ANO10: variants seen among roughly 807,000 people sequenced by gnomAD.
ANO10 encodes anoctamin 10.
ANO10 carries 77 observed loss-of-function variants against 74.7 expected under a neutral mutation model. The ratio of observed to expected loss-of-function variants is 1.03; its 90% confidence interval spans 0.86 to 1.25. ANO10 has a LOEUF of 1.25. Ranked by LOEUF, ANO10 falls within the 50% of genes most tolerant of loss-of-function variation. ANO10 has a pLI of 0.00. For missense variants in ANO10, 721 were observed against 778.1 expected (o/e 0.93, Z 0.87); for synonymous variants, 279 against 284.9 (o/e 0.98, Z 0.21).
intron 11 of ANO10, among the ~76,000 whole-genome samples, chr3:43,543,285 A>G (rs1383625974): frequency 6.6e-6 from 1 of 152,222 alleles, no homozygotes; most frequent in African/African-American, 2.4e-5. Context: ...GAAACTAGGA[A>G]AATAAAGCCT....
At chr3:43,654,976 TTATC>T (rs2083831146) in intron 1 of ANO10, among the ~76,000 whole-genome samples, 2 of 152,226 alleles carry the variant, frequency 1.3e-5, no homozygotes, top group Non-Finnish European at 2.9e-5. Context: ...GTCACTGACT[TTATC>T]TTTCTTAGAA....
intron 7 of ANO10, among the ~76,000 whole-genome samples, chr3:43,573,892 G>T (rs2080866147): frequency 1.3e-5 from 2 of 152,144 alleles, no homozygotes; most frequent in Admixed American, 1.3e-4. Flanking sequence ...AACATTCAAA[G>T]AAATCACCAA....
At chr3:43,544,622 G>T (rs183930560) in intron 11 of ANO10, among the ~76,000 whole-genome samples, 1 of 151,696 alleles carries the variant, frequency 6.6e-6, no homozygotes, top group Non-Finnish European at 1.5e-5. Context: ...GTGAAACCCC[G>T]TCTCTACTAA....
chr3:43,574,840 T>C lies in ANO10; in HGVS notation c.1187A>G (p.Tyr396Cys), dbSNP rs771524070. The C allele has an allele frequency of 2.5e-6, 4 of 1,614,116 alleles. No homozygotes were observed. Among genetic ancestry groups the C allele is most frequent in the Non-Finnish European group, 2.5e-6 (3 of 1,179,960 alleles). ...SWENHRLESA[Y>C]QNHLILKVLV... Reference sequence around the variant, plus strand: ...AACTTTCAGAATTAGATGGTTCTGATAGGCAGATTCCAATCTGTGATTCTC... The same window carrying C: ...AACTTTCAGAATTAGATGGTTCTGACAGGCAGATTCCAATCTGTGATTCTC... Residue 396 changes from tyrosine to cysteine, a missense_variant, in exon 7 of 13, where the codon TAT becomes TGT. By Grantham distance (194) the Tyr-to-Cys change is radical. Coordinates refer to ENST00000292246, the MANE Select transcript of ANO10 (RefSeq NM_018075.5).
intron 11 of ANO10, among the ~76,000 whole-genome samples, chr3:43,540,223 G>A (rs539024763): frequency 9.2e-5 from 14 of 152,256 alleles, no homozygotes; most frequent in South Asian, 6.2e-4. Flanking sequence ...ACATTTAAAT[G>A]TACACTAATT....
At chr3:43,443,961 C>T (rs6767983) in intron 11 of ANO10, among the ~76,000 whole-genome samples, 28,045 of 152,108 alleles carry the variant, frequency 0.18, 3,116 homozygotes, top group Middle Eastern at 0.35. Context: ...GGATTACAGG[C>T]ATGAGTCACT....
In ANO10 at chr3:43,571,857, T is replaced by C. The variant is rs1388772829; in HGVS notation, c.1218+2952A>G. The stretch of plus-strand genomic sequence containing the variant: ...TAAAAAAAAAAAAGAAGTATTTTCC[T>C]ACATTAAAAAAAAAAAAAAAAGAAA... On this transcript the variant is annotated intron_variant, in intron 7 of 12. Coordinates refer to ENST00000292246, the MANE Select transcript of ANO10 (RefSeq NM_018075.5). Among the ~76,000 whole-genome samples, 8 of 122,484 alleles carry C rather than the reference T, an allele frequency of 6.5e-5. No individual in the cohort carries two copies. The East Asian group carries it at 1.2e-3, about 18-fold the overall frequency. The allele number at this position is 122,484 out of a possible 152,430, so 80.4% of individuals were successfully genotyped here.
intron 12 of ANO10, among the ~76,000 whole-genome samples, chr3:43,384,458 C>A (rs1253393610): frequency 2.0e-5 from 3 of 152,130 alleles, no homozygotes; most frequent in Non-Finnish European, 4.4e-5. Flanking sequence ...GAAAAAAGAG[C>A]CTGCATAGCC....
At position 43,392,859 on chromosome 3, in the gene ANO10, C is replaced by T. The variant is rs563087070; in HGVS notation, c.1915-25885G>A. On this transcript the variant is annotated intron_variant, in intron 12 of 12. Coordinates refer to ENST00000292246, the MANE Select transcript of ANO10 (RefSeq NM_018075.5). Reference sequence around the variant, plus strand: ...AACCACTCCACATTGGCTCCTGGCCCTATTCATCCACTAAAATAGCTCCCT... The same window carrying T: ...AACCACTCCACATTGGCTCCTGGCCTTATTCATCCACTAAAATAGCTCCCT... 2.0e-5 allele frequency among the ~76,000 whole-genome samples: 3 copies of T among 152,314 alleles called. No individual in the cohort carries two copies. The East Asian group carries it at 5.8e-4, about 29-fold the overall frequency.
intron 11 of ANO10, among the ~76,000 whole-genome samples, chr3:43,469,783 T>C (rs1487442875): frequency 1.3e-5 from 2 of 152,234 alleles, no homozygotes; most frequent in Non-Finnish European, 2.9e-5. Flanking sequence ...GGTTCACATA[T>C]GTCTGTATAT....
intron 11 of ANO10, among the ~76,000 whole-genome samples, chr3:43,472,793 T>C (rs2075915336): frequency 6.6e-6 from 1 of 152,208 alleles, no homozygotes; most frequent in Admixed American, 6.5e-5. Context: ...ATAATGGCAA[T>C]GGGATTAAAT....
At chr3:43,660,950 A>G (rs1011730552) in intron 1 of ANO10, among the ~76,000 whole-genome samples, 2 of 152,188 alleles carry the variant, frequency 1.3e-5, no homozygotes, top group African/African-American at 4.8e-5. Context: ...GTGAAACTCC[A>G]TCTCAAAAAC....
In ANO10 at chr3:43,542,975, A is replaced by G. The variant is rs117723694; in HGVS notation, c.1797+6745T>C. On this transcript the variant is annotated intron_variant, in intron 11 of 12. Transcript: ENST00000292246. Reference sequence around the variant, plus strand: ...TCAGAGTTATACATGTGTTATTTCTACTCTTTAGAACACTCATGCAAGGGA... The same window carrying G: ...TCAGAGTTATACATGTGTTATTTCTGCTCTTTAGAACACTCATGCAAGGGA... Among the ~76,000 whole-genome samples the G allele has an allele frequency of 3.3e-4, 50 of 152,132 alleles. No homozygotes were observed. The East Asian group carries it at 8.9e-3, about 27-fold the overall frequency.
chr3:43,612,164 ATAT>A (rs2082863581), intron 1 of ANO10, among the ~76,000 whole-genome samples: 1 of 131,072 alleles, frequency 7.6e-6, no homozygotes, highest in African/African-American at 3.1e-5. Context: ...ATATATATAT[ATAT>A]ATATATATAT....
At chr3:43,638,823 G>A (rs1051716763) in intron 1 of ANO10, 1 of 152,218 alleles carries the variant, frequency 6.6e-6, no homozygotes, top group African/African-American at 2.4e-5. Context: ...CCCAGATATA[G>A]CAGCCTAAAA....
intron 4 of ANO10, among the ~76,000 whole-genome samples, chr3:43,595,846 T>C (rs1383796485): frequency 1.3e-5 from 2 of 152,176 alleles, no homozygotes; most frequent in African/African-American, 4.8e-5. Flanking sequence ...ATAACATGAC[T>C]GTATATTTAG....
At chr3:43,501,083 A>G (rs576564792) in intron 11 of ANO10, among the ~76,000 whole-genome samples, 1 of 152,198 alleles carries the variant, frequency 6.6e-6, no homozygotes, top group Non-Finnish European at 1.5e-5. Context: ...TGGGTAATCT[A>G]TAAAGAAAAG....
chr3:43,485,084 G>A (rs989108982), intron 11 of ANO10: 6 of 1,163,760 alleles, frequency 5.2e-6, no homozygotes, highest in African/African-American at 1.5e-5. Flanking sequence ...CTTGACAGCC[G>A]GCCGGCGGCA....
At position 43,421,180 on chromosome 3, in the gene ANO10, G is replaced by A. The variant is rs547855723; in HGVS notation, c.1914+11431C>T. ...GGAAGTTGCAGGGAACCCAGATTGC[G>A]CCACCACACTCCAGGGTAGATGACA... On this transcript the variant is annotated intron_variant, in intron 12 of 12. Coordinates refer to ENST00000292246, the MANE Select transcript of ANO10 (RefSeq NM_018075.5). Among the ~76,000 whole-genome samples, 12 of 151,838 alleles carry A rather than the reference G, an allele frequency of 7.9e-5. No homozygotes were observed. In the South Asian group the frequency reaches 1.2e-3, roughly 16 times the overall value.
Sources: gnomAD v4.1 joint callset for allele counts (sites outside exome capture counted in the v4.1 genomes callset) on GRCh38, gnomAD v4.1.1 for gene constraint, MANE v1.5 for transcripts, NCBI Gene and HGNC (gene_info 2026-07-23, HGNC 2026-07-21) for gene names.